ADAMTSL1: variants seen among roughly 807,000 people sequenced by gnomAD.
The protein encoded by ADAMTSL1 is ADAMTS like 1, also known as ADAMTS-like protein 1.
In ADAMTSL1, 126 loss-of-function variants were observed where a neutral mutation model predicts 201.8. The observed-to-expected ratio is 0.62, with a 90% CI of 0.54 to 0.72. The LOEUF is 0.72. ADAMTSL1 is among the 30% of genes least tolerant of loss of function. The pLI, the probability that ADAMTSL1 is intolerant of heterozygous loss-of-function variation, is 0.00. For synonymous variants in ADAMTSL1, 1,121 were observed against 903.4 expected (o/e 1.24, Z -4.32); for missense variants, 2,679 against 2,277.8 (o/e 1.18, Z -3.59).
chr9:18,357,997 G>A (rs1191230480), intron 2 of ADAMTSL1, among the ~76,000 whole-genome samples: 2 of 152,100 alleles, frequency 1.3e-5, no homozygotes, highest in Admixed American at 6.5e-5. Context: ...TATTTTCCAA[G>A]GAGGCTGTAT....
chr9:18,101,617 C>T (rs1208147106), intron 1 of ADAMTSL1, among the ~76,000 whole-genome samples: 5 of 152,166 alleles, frequency 3.3e-5, no homozygotes, highest in East Asian at 1.9e-4. Context: ...AGCCCCTTCT[C>T]AGCAAAGGTC....
intron 2 of ADAMTSL1, among the ~76,000 whole-genome samples, chr9:18,425,108 C>T (rs185520128): frequency 6.6e-6 from 1 of 152,020 alleles, no homozygotes; most frequent in East Asian, 1.9e-4. Context: ...ATCTGCTTTG[C>T]AATTTTTCTG....
At chr9:18,659,269 C>T (rs978132179) in intron 8 of ADAMTSL1, among the ~76,000 whole-genome samples, 1 of 152,154 alleles carries the variant, frequency 6.6e-6, no homozygotes, top group Non-Finnish European at 1.5e-5. Context: ...TTCATCTTTA[C>T]CTATGTTGTT....
At chr9:18,312,269 G>A (rs1587529975) in intron 2 of ADAMTSL1, among the ~76,000 whole-genome samples, 1 of 152,140 alleles carries the variant, frequency 6.6e-6, no homozygotes, top group Admixed American at 6.5e-5. Flanking sequence ...AACTTCCTGT[G>A]GATAAAATTA....
At chr9:18,145,308 G>A (rs981181770) in intron 1 of ADAMTSL1, among the ~76,000 whole-genome samples, 4 of 152,126 alleles carry the variant, frequency 2.6e-5, no homozygotes, top group African/African-American at 9.7e-5. Context: ...TCGGTTCTTT[G>A]AGGACCATGC....
chr9:18,846,263 A>G (rs1475105573), intron 23 of ADAMTSL1, among the ~76,000 whole-genome samples: 1 of 152,100 alleles, frequency 6.6e-6, no homozygotes, highest in Non-Finnish European at 1.5e-5. Context: ...AAGTTCAAGT[A>G]AGAAAAGCAC....
At chr9:18,420,407 T>C (rs1818889213) in intron 2 of ADAMTSL1, among the ~76,000 whole-genome samples, 2 of 152,162 alleles carry the variant, frequency 1.3e-5, no homozygotes, top group South Asian at 4.1e-4. Context: ...CTTTATATGG[T>C]GATAGGGTGG....
At chr9:18,605,360 A>G (rs1386633419) in intron 4 of ADAMTSL1, among the ~76,000 whole-genome samples, 1 of 152,236 alleles carries the variant, frequency 6.6e-6, no homozygotes, top group Non-Finnish European at 1.5e-5. Flanking sequence ...ATATCCAATT[A>G]GGACCAAGCG....
At position 18,812,418 on chromosome 9, in the gene ADAMTSL1, A is replaced by G. The variant is rs1273581957; in HGVS notation, c.3806-4691A>G. 2.0e-5 allele frequency among the ~76,000 whole-genome samples: 3 copies of G among 152,366 alleles called. No homozygotes were observed. The East Asian group carries it at 5.8e-4, about 29-fold the overall frequency. ...CTCTTATCTAAATGTGACCTCTCACATCTTACATAAAAATTAACTCAAAAT... is the reference window on the plus strand; with the variant it reads ...CTCTTATCTAAATGTGACCTCTCACGTCTTACATAAAAATTAACTCAAAAT... On this transcript the variant is annotated intron_variant, in intron 20 of 28. Coordinates refer to ENST00000380548, the MANE Select transcript of ADAMTSL1 (RefSeq NM_001040272.6).
chr9:18,684,063 A>G (rs554504719), intron 12 of ADAMTSL1, among the ~76,000 whole-genome samples: 15 of 151,992 alleles, frequency 9.9e-5, no homozygotes, highest in East Asian at 5.8e-4. Context: ...CTCCTCCACA[A>G]TTTTTTTCCC....
At chr9:18,351,034 CTT>C (rs1243069784) in intron 2 of ADAMTSL1, among the ~76,000 whole-genome samples, 1 of 152,024 alleles carries the variant, frequency 6.6e-6, no homozygotes. Flanking sequence ...TGGGATGAGA[CTT>C]AGCTATTTGT....
chr9:18,179,270 G>T (rs1174015560), intron 2 of ADAMTSL1, among the ~76,000 whole-genome samples: 7 of 152,112 alleles, frequency 4.6e-5, no homozygotes, highest in African/African-American at 1.7e-4. Flanking sequence ...GGAAGAAAGG[G>T]TATCAGCGAT....
intron 4 of ADAMTSL1, among the ~76,000 whole-genome samples, chr9:18,594,646 C>G (rs1275121800): frequency 6.6e-6 from 1 of 152,114 alleles, no homozygotes; most frequent in Non-Finnish European, 1.5e-5. Flanking sequence ...TGTTTCAGCT[C>G]CAAGGTTGAT....
In ADAMTSL1 at chr9:18,906,793, A is replaced by T. The variant is rs1451633729; in HGVS notation, c.5063A>T (p.Gln1688Leu). 6.2e-7 allele frequency: 1 copy of T among 1,614,020 alleles called. No homozygotes were observed. The change falls in exon 28 of 29, where the codon CAG becomes CTG. Residue 1688 changes from glutamine (Q) to leucine (L), a missense_variant. Transcript: ENST00000380548. ...GCTACCTGTGGCAACTACGGCTTCC[A>T]GTCCCGGCGTGTGGAGTGTGTGCAT... ...CTATCGNYGF[Q>L]SRRVECVHAR...
intron 7 of ADAMTSL1, among the ~76,000 whole-genome samples, chr9:18,640,513 C>T (rs1408140634): frequency 6.6e-6 from 1 of 152,078 alleles, no homozygotes; most frequent in Non-Finnish European, 1.5e-5. Context: ...ATATTGCTTA[C>T]ATTGGAACAG....
chr9:18,613,451 T>G (rs1825505627), intron 4 of ADAMTSL1, among the ~76,000 whole-genome samples: 2 of 152,090 alleles, frequency 1.3e-5, no homozygotes, highest in African/African-American at 4.8e-5. Flanking sequence ...AGCAAAGACA[T>G]GGAATCAACC....
At chr9:18,135,049 C>T (rs931271382) in intron 1 of ADAMTSL1, among the ~76,000 whole-genome samples, 1 of 152,154 alleles carries the variant, frequency 6.6e-6, no homozygotes, top group Admixed American at 6.5e-5. Flanking sequence ...TTTCTTTTCT[C>T]ATTGTTGATA....
chr9:18,429,898 T>C (rs1181023482), intron 2 of ADAMTSL1, among the ~76,000 whole-genome samples: 1 of 152,074 alleles, frequency 6.6e-6, no homozygotes, highest in African/African-American at 2.4e-5. Flanking sequence ...CAAGCGATTC[T>C]CCTACCTCAG....
At chr9:18,853,919 G>GTGTGCA (rs1554648756) in intron 23 of ADAMTSL1, among the ~76,000 whole-genome samples, 38 of 49,880 alleles carry the variant, frequency 7.6e-4, no homozygotes, top group Non-Finnish European at 1.1e-3. Flanking sequence ...GTGTGTGTGT[G>GTGTGCA]CGCGTGCATG....
Sources: allele counts gnomAD v4.1 joint callset (sites outside exome capture counted in the v4.1 genomes callset), GRCh38; gene constraint gnomAD v4.1.1; transcripts MANE v1.5; gene names NCBI Gene and HGNC (gene_info 2026-07-23, HGNC 2026-07-21).